The following SCHIP1 variants were observed in gnomAD, a reference collection of about 807,000 sequenced individuals.
The protein encoded by SCHIP1 is schwannomin-interacting protein 1.
A neutral mutation model predicts 29.7 loss-of-function variants in SCHIP1; 8 were observed. The observed-to-expected ratio is 0.27, with a 90% CI of 0.16 to 0.49. The LOEUF is 0.49. Ranked by LOEUF, SCHIP1 falls within the 20% of genes least tolerant of loss-of-function variation. The pLI is 0.99. For missense variants in SCHIP1, 193 were observed against 294.6 expected (o/e 0.66, Z 2.52); for synonymous variants, 76 against 94.9 (o/e 0.80, Z 1.16).
the SCHIP1 span, among the ~76,000 whole-genome samples, chr3:159,549,967 A>G: frequency 1.3e-5 from 2 of 150,166 alleles, no homozygotes; most frequent in South Asian, 4.3e-4. Flanking sequence ...ATACATGTTT[A>G]TCAATTTTAT....
the SCHIP1 span, among the ~76,000 whole-genome samples, chr3:159,417,430 A>C: frequency 6.6e-6 from 1 of 152,234 alleles, no homozygotes; most frequent in Non-Finnish European, 1.5e-5. Flanking sequence ...AAGCATACGA[A>C]TTATACAGTC....
chr3:159,634,006 G>A, the SCHIP1 span, among the ~76,000 whole-genome samples: 1 of 152,118 alleles, frequency 6.6e-6, no homozygotes, highest in Non-Finnish European at 1.5e-5. Flanking sequence ...GTAATATTTA[G>A]CGACAAAAAC....
At chr3:159,273,730 A>C in the SCHIP1 span, 4 of 1,560,586 alleles carry the variant, frequency 2.6e-6, no homozygotes, top group African/African-American at 5.5e-5. Context: ...CTTACTAGCT[A>C]ACCCAGGTGA....
the SCHIP1 span, among the ~76,000 whole-genome samples, chr3:159,303,234 A>G: frequency 1.3e-5 from 2 of 151,994 alleles, no homozygotes; most frequent in Non-Finnish European, 1.5e-5. Context: ...AAAGTGAGCA[A>G]AAGTAAGAGT....
chr3:159,853,508 C>A (rs984260140), intron 1 of SCHIP1: 17 of 666,796 alleles, frequency 2.5e-5, no homozygotes, highest in African/African-American at 2.3e-4. Flanking sequence ...ATTTTTCTAA[C>A]TGGAGAAAGA....
At chr3:159,490,055 T>G in the SCHIP1 span, among the ~76,000 whole-genome samples, 15 of 152,276 alleles carry the variant, frequency 9.9e-5, no homozygotes, top group Middle Eastern at 6.8e-3. Context: ...ACAATGAGAA[T>G]GTATTCATGT....
At chr3:159,626,122 A>C in the SCHIP1 span, among the ~76,000 whole-genome samples, 1 of 123,006 alleles carries the variant, frequency 8.1e-6, no homozygotes, top group East Asian at 2.3e-4. Context: ...AGATAGATAG[A>C]TAGATAGATA....
chr3:159,333,582 A>G, the SCHIP1 span, among the ~76,000 whole-genome samples: 2 of 152,168 alleles, frequency 1.3e-5, no homozygotes, highest in African/African-American at 4.8e-5. Flanking sequence ...TTTATCAGAT[A>G]CAATACCATC....
the SCHIP1 span, among the ~76,000 whole-genome samples, chr3:159,319,738 T>C: frequency 2.6e-5 from 4 of 152,344 alleles, no homozygotes; most frequent in South Asian, 4.1e-4. Context: ...TTTGAAAACA[T>C]CTATCCACAT....
the SCHIP1 span, among the ~76,000 whole-genome samples, chr3:159,276,458 G>A: frequency 4.6e-5 from 7 of 152,160 alleles, no homozygotes; most frequent in African/African-American, 1.7e-4. Flanking sequence ...TAGCATCCCA[G>A]AGAATCACTA....
the SCHIP1 span, among the ~76,000 whole-genome samples, chr3:159,375,272 G>A: frequency 6.6e-6 from 1 of 152,162 alleles, no homozygotes; most frequent in South Asian, 2.1e-4. Context: ...GCTCAGATGA[G>A]CCCAGGAGGG....
chr3:159,585,922 T>A, the SCHIP1 span, among the ~76,000 whole-genome samples: 2 of 152,140 alleles, frequency 1.3e-5, no homozygotes, highest in Non-Finnish European at 2.9e-5. Flanking sequence ...TTGTTCATCA[T>A]CCCTACCTAC....
intron 2 of SCHIP1, among the ~76,000 whole-genome samples, chr3:159,867,767 T>C (rs939941999): frequency 2.6e-5 from 4 of 152,120 alleles, no homozygotes; most frequent in African/African-American, 9.7e-5. Context: ...TTTTGAAACT[T>C]TAACAATTTA....
At chr3:159,439,693 T>C in the SCHIP1 span, among the ~76,000 whole-genome samples, 1 of 152,214 alleles carries the variant, frequency 6.6e-6, no homozygotes, top group Non-Finnish European at 1.5e-5. Flanking sequence ...TTTTCAGAAA[T>C]GCCTATTCAT....
intron 1 of SCHIP1, among the ~76,000 whole-genome samples, chr3:159,863,080 G>A (rs1560087607): frequency 1.3e-5 from 2 of 152,130 alleles, no homozygotes; most frequent in Non-Finnish European, 2.9e-5. Context: ...GGTGGCTCAC[G>A]CTTGTAATCC....
chr3:159,758,855 T>A, the SCHIP1 span, among the ~76,000 whole-genome samples: 1 of 152,226 alleles, frequency 6.6e-6, no homozygotes, highest in African/African-American at 2.4e-5. Context: ...CTGTGTGACT[T>A]TTCTCTGATA....
the SCHIP1 span, among the ~76,000 whole-genome samples, chr3:159,640,099 AATTTT>A: frequency 7.9e-5 from 12 of 152,252 alleles, no homozygotes; most frequent in East Asian, 2.1e-3. Context: ...ACACTTTGAT[AATTTT>A]ATTTAACTTC....
chr3:159,514,971 T>TC, the SCHIP1 span, among the ~76,000 whole-genome samples: 2,954 of 152,238 alleles, frequency 0.019, 77 homozygotes, highest in African/African-American at 0.062. Context: ...ACTCCTTTTT[T>TC]CCCTCACATC....
chr3:159,693,250 A>G, the SCHIP1 span, among the ~76,000 whole-genome samples: 1 of 152,270 alleles, frequency 6.6e-6, no homozygotes, highest in South Asian at 2.1e-4. Flanking sequence ...ATTATTAAGA[A>G]TAGTTTTAGT....
Sources: gnomAD v4.1 joint callset for allele counts (sites outside exome capture counted in the v4.1 genomes callset) on GRCh38, gnomAD v4.1.1 for gene constraint, MANE v1.5 for transcripts, NCBI Gene and HGNC (gene_info 2026-07-23, HGNC 2026-07-21) for gene names.